The following ATP6V1H variants were observed in gnomAD, a reference collection of about 807,000 sequenced individuals.
ATP6V1H encodes V-type proton ATPase subunit H.
ATP6V1H carries 39 observed loss-of-function variants against 71.7 expected under a neutral mutation model. The ratio of observed to expected loss-of-function variants is 0.54; its 90% CI spans 0.42 to 0.71. ATP6V1H has a LOEUF of 0.71. Ranked by LOEUF, ATP6V1H falls within the 30% of genes least tolerant of loss-of-function variation. The pLI, the probability that ATP6V1H is intolerant of heterozygous loss-of-function variation, is 0.00. For missense variants in ATP6V1H, 509 were observed against 594.9 expected, an observed-to-expected ratio of 0.86 and a Z score of 1.50; for synonymous variants, 192 against 199.3, an observed-to-expected ratio of 0.96 and a Z score of 0.31.
At chr8:53,840,321 C>A (rs1185311176) in intron 2 of ATP6V1H, among the ~76,000 whole-genome samples, 3 of 152,008 alleles carry the variant, frequency 2.0e-5, no homozygotes, top group Non-Finnish European at 4.4e-5. Context: ...CATGTTGAAA[C>A]CCTGTCTCTA....
At chr8:53,832,735 A>G (rs952566750) in intron 3 of ATP6V1H, 1 of 301,254 alleles carries the variant, frequency 3.3e-6, no homozygotes, top group Non-Finnish European at 6.0e-6. Context: ...CTCTTAAAAA[A>G]AGAAAAGTTA....
chr8:53,803,666 A>T (rs1233919725), intron 7 of ATP6V1H, among the ~76,000 whole-genome samples: 2 of 152,244 alleles, frequency 1.3e-5, no homozygotes, highest in African/African-American at 4.8e-5. Context: ...TTCCACAAAA[A>T]CACAATATAT....
intron 13 of ATP6V1H, among the ~76,000 whole-genome samples, chr8:53,719,557 C>T (rs1806545152): frequency 6.6e-6 from 1 of 152,228 alleles, no homozygotes; most frequent in Admixed American, 6.5e-5. Flanking sequence ...GCCTCTGAAT[C>T]CTCTGTGCCA....
At chr8:53,731,933 C>T (rs1380786076) in intron 13 of ATP6V1H, among the ~76,000 whole-genome samples, 1 of 152,218 alleles carries the variant, frequency 6.6e-6, no homozygotes, top group Non-Finnish European at 1.5e-5. Context: ...GCATGGCAGT[C>T]CCCCACGGAG....
At chr8:53,739,348 TA>T (rs1428500509) in intron 13 of ATP6V1H, among the ~76,000 whole-genome samples, 3 of 152,170 alleles carry the variant, frequency 2.0e-5, no homozygotes, top group Non-Finnish European at 4.4e-5. Context: ...ACAGAATAAC[TA>T]AAATATGCAA....
chr8:53,812,932 T>A (rs1482673333), intron 6 of ATP6V1H, among the ~76,000 whole-genome samples: 1 of 152,132 alleles, frequency 6.6e-6, no homozygotes, highest in Non-Finnish European at 1.5e-5. Context: ...TGGGCTCAAG[T>A]AATTGGCCTG....
At chr8:53,791,728 C>T (rs3757954) in intron 9 of ATP6V1H, among the ~76,000 whole-genome samples, 13,671 of 152,220 alleles carry the variant, frequency 0.09, 956 homozygotes, top group East Asian at 0.37. Flanking sequence ...CCTCCTCACA[C>T]CCCTCCTCTG....
intron 9 of ATP6V1H, among the ~76,000 whole-genome samples, chr8:53,794,691 T>C (rs928266681): frequency 8.5e-5 from 13 of 152,314 alleles, no homozygotes; most frequent in African/African-American, 3.1e-4. Context: ...TACTTGTTTT[T>C]TAAAGAAAGT....
At chr8:53,822,685 G>A (rs1265124188) in intron 4 of ATP6V1H, among the ~76,000 whole-genome samples, 1 of 151,962 alleles carries the variant, frequency 6.6e-6, no homozygotes, top group Non-Finnish European at 1.5e-5. Flanking sequence ...AATGTGGATG[G>A]TTTAATTCAC....
intron 13 of ATP6V1H, among the ~76,000 whole-genome samples, chr8:53,731,035 C>T (rs538917679): frequency 3.9e-5 from 6 of 152,264 alleles, no homozygotes; most frequent in Middle Eastern, 3.4e-3. Context: ...AGCCTCCACG[C>T]GACTTCAAAG....
rs1277535195 is a variant in ATP6V1H, at chr8:53,772,060, G to A, written c.978C>T (p.Tyr326=). 13 of 1,613,958 alleles carry A rather than the reference G, an allele frequency of 8.1e-6. 1 individual carries two copies. Among genetic ancestry groups the A allele is most frequent in the South Asian group, 2.2e-5 (2 of 91,068 alleles). Residue 326 remains tyrosine, a synonymous_variant, in exon 10 of 14, where the codon TAC becomes TAT. Coordinates refer to ENST00000359530, the MANE Select transcript of ATP6V1H (RefSeq NM_015941.4). ...TATCTTCGCTGATATCTTCATCATC[G>A]TACTTCTGCTGTTCCAAGTTCTCCA... is the stretch of plus-strand genomic sequence containing the variant. ...KQLENLEQQK[Y]DDEDISEDIK...
At chr8:53,819,485 T>C (rs1375545963) in intron 4 of ATP6V1H, among the ~76,000 whole-genome samples, 3 of 138,420 alleles carry the variant, frequency 2.2e-5, no homozygotes, top group Non-Finnish European at 4.6e-5. Context: ...TGAGCTGAGA[T>C]TGTGCCACTG....
chr8:53,776,393 G>C (rs1054763818), intron 9 of ATP6V1H, among the ~76,000 whole-genome samples: 1 of 152,224 alleles, frequency 6.6e-6, no homozygotes, highest in Non-Finnish European at 1.5e-5. Context: ...GCCAAAGTAG[G>C]AGCCCAGGCA....
At chr8:53,765,590 T>C (rs1808432172) in intron 11 of ATP6V1H, among the ~76,000 whole-genome samples, 1 of 151,722 alleles carries the variant, frequency 6.6e-6, no homozygotes, top group African/African-American at 2.4e-5. Context: ...GTGCAAGATC[T>C]ATAAGAGGAA....
chr8:53,784,110 CTAG>C (rs1398929336), intron 9 of ATP6V1H, among the ~76,000 whole-genome samples: 1 of 152,094 alleles, frequency 6.6e-6, no homozygotes, highest in Non-Finnish European at 1.5e-5. Context: ...AACTTTCTGT[CTAG>C]TAGATCTGTC....
intron 7 of ATP6V1H, among the ~76,000 whole-genome samples, chr8:53,809,374 T>C (rs1340265922): frequency 6.6e-6 from 1 of 152,176 alleles, no homozygotes; most frequent in Non-Finnish European, 1.5e-5. Context: ...TCTCAACACA[T>C]GGAGGTCTGC....
intron 9 of ATP6V1H, among the ~76,000 whole-genome samples, chr8:53,774,514 T>C (rs537240459): frequency 2.6e-5 from 4 of 152,192 alleles, no homozygotes; most frequent in Non-Finnish European, 5.9e-5. Flanking sequence ...ATGTAAAACA[T>C]TGTGAACAAA....
At chr8:53,788,793 C>T (rs903041273) in intron 9 of ATP6V1H, among the ~76,000 whole-genome samples, 5 of 152,160 alleles carry the variant, frequency 3.3e-5, no homozygotes, top group Admixed American at 3.3e-4. Flanking sequence ...AACAGTTACA[C>T]TACTCTATTT....
intron 12 of ATP6V1H, among the ~76,000 whole-genome samples, chr8:53,751,673 C>CT (rs11404196): frequency 0.18 from 25,811 of 144,576 alleles, 3,666 homozygotes; most frequent in African/African-American, 0.38. Context: ...AAGATAATTT[C>CT]TTTTTTTTTT....
Sources: allele counts gnomAD v4.1 joint callset (sites outside exome capture counted in the v4.1 genomes callset), GRCh38; gene constraint gnomAD v4.1.1; transcripts MANE v1.5; gene names NCBI Gene and HGNC (gene_info 2026-07-23, HGNC 2026-07-21).